The following SATB2 variants were observed in gnomAD, a reference collection of about 807,000 sequenced individuals.
The protein encoded by SATB2 is SATB homeobox 2.
Under a neutral mutation model 73.4 loss-of-function variants are expected in SATB2, and 1 was observed. The ratio of observed to expected loss-of-function variants is 0.01; its 90% confidence interval spans 0.00 to 0.06. SATB2 has a LOEUF of 0.06. Among genes scored for constraint, SATB2 ranks in the 10% least tolerant of loss-of-function variants. The pLI, the probability that SATB2 is intolerant of heterozygous loss-of-function variation, is 1.00. For missense variants in SATB2, 459 were observed against 945.8 expected (o/e 0.49, Z 6.75); for synonymous variants, 397 against 367.0 (o/e 1.08, Z -0.93).
At chr2:199,286,015 A>G (rs1023955212) in intron 10 of SATB2, among the ~76,000 whole-genome samples, 14 of 152,226 alleles carry the variant, frequency 9.2e-5, no homozygotes, top group Admixed American at 6.5e-4. Flanking sequence ...GTGACACAAT[A>G]GGCTGTTAAA....
chr2:199,340,019 CTG>C (rs1368637723), intron 7 of SATB2, among the ~76,000 whole-genome samples: 1 of 152,178 alleles, frequency 6.6e-6, no homozygotes, highest in Non-Finnish European at 1.5e-5. Context: ...ACTATAAACA[CTG>C]TGTCAACAGA....
chr2:199,345,103 C>A (rs1334904094), intron 7 of SATB2, among the ~76,000 whole-genome samples: 1 of 151,984 alleles, frequency 6.6e-6, no homozygotes, highest in Admixed American at 6.6e-5. Context: ...CCTGGCATTT[C>A]TTCTCTCTTT....
intron 3 of SATB2, among the ~76,000 whole-genome samples, chr2:199,425,446 G>T (rs1187197192): frequency 6.6e-6 from 1 of 152,150 alleles, no homozygotes; most frequent in Admixed American, 6.5e-5. Flanking sequence ...GAAATAATAA[G>T]CTACATTTTT....
intron 3 of SATB2, among the ~76,000 whole-genome samples, chr2:199,423,435 A>G (rs1054470622): frequency 1.8e-4 from 27 of 152,088 alleles, no homozygotes; most frequent in African/African-American, 6.3e-4. Flanking sequence ...TAAGAGTGGT[A>G]AAATTCAACC....
chr2:199,462,979 A>G lies in SATB2; in HGVS notation c.-141+1857T>C, dbSNP rs1396706754. On this transcript the variant is annotated intron_variant, in intron 1 of 11. Transcript: ENST00000260926. The surrounding 1 kb of genome is among the most constrained non-coding windows in gnomAD (Gnocchi z 5.9). The stretch of plus-strand genomic sequence containing the variant: ...CTTTCTGCACTGGGCTTCCCGGGGT[A>G]GGAGATGGGCGTCGGGTGTGGGCAC... 6.6e-6 allele frequency among the ~76,000 whole-genome samples: 1 copy of G among 152,178 alleles called. No individual in the cohort carries two copies. Among genetic ancestry groups the G allele is most frequent in the Non-Finnish European group, 1.5e-5 (1 of 68,014 alleles).
chr2:199,416,619 G>A (rs1241530807), intron 3 of SATB2, among the ~76,000 whole-genome samples: 4 of 152,138 alleles, frequency 2.6e-5, no homozygotes, highest in Admixed American at 1.3e-4. Flanking sequence ...TAGAAGACTG[G>A]AGAGGTGAAG....
In SATB2 at chr2:199,308,187, C is replaced by T. The variant is rs1297595990; in HGVS notation, c.1740+573G>A. 2.0e-5 allele frequency among the ~76,000 whole-genome samples: 3 copies of T among 152,108 alleles called. No individual in the cohort carries two copies. The highest frequency in any genetic ancestry group is 4.4e-5 in the Non-Finnish European group (3 of 68,022). Reference sequence around the variant, plus strand: ...GAGCAAAAACTAAGCCAACAAAACACGCAATCCAAAGGAAGGCAGATTTCT... The same window carrying T: ...GAGCAAAAACTAAGCCAACAAAACATGCAATCCAAAGGAAGGCAGATTTCT... On this transcript the variant is annotated intron_variant, in intron 10 of 10. Coordinates refer to ENST00000417098, the MANE Select transcript of SATB2 (RefSeq NM_001172509.2). The surrounding 1 kb of genome is among the most constrained non-coding windows in gnomAD (Gnocchi z 4.6).
Position 199,323,978 on chromosome 2 carries a change from A to G in SATB2, c.1387-20T>C, listed in dbSNP as rs760115609. On this transcript the variant is annotated intron_variant, in intron 8 of 10. Transcript: ENST00000417098. Reference sequence around the variant, plus strand: ...TTTGGCCTACCAAGAGACCATGAAAATAATAATTTAAAAAGTGCTGCATTC... The same window carrying G: ...TTTGGCCTACCAAGAGACCATGAAAGTAATAATTTAAAAAGTGCTGCATTC... 6.2e-7 allele frequency: 1 copy of G among 1,613,204 alleles called. No individual in the cohort carries two copies. The highest frequency in any genetic ancestry group is 1.3e-5 in the African/African-American group (1 of 74,986).
At chr2:199,305,351 G>A (rs571170889) in intron 10 of SATB2, among the ~76,000 whole-genome samples, 2 of 152,024 alleles carry the variant, frequency 1.3e-5, no homozygotes, top group East Asian at 1.9e-4. Context: ...CGATAGGGGG[G>A]TAAAAGGTGG....
chr2:199,380,670 G>T (rs1689743657), intron 4 of SATB2, among the ~76,000 whole-genome samples, 183 bp from the exon 5 acceptor site: 1 of 152,024 alleles, frequency 6.6e-6, no homozygotes, highest in East Asian at 1.9e-4. Flanking sequence ...GGGCCCAAGG[G>T]GTCTCTTTTG....
intron 10 of SATB2, among the ~76,000 whole-genome samples, chr2:199,296,992 C>A (rs1453836759): frequency 6.6e-6 from 1 of 152,148 alleles, no homozygotes; most frequent in Non-Finnish European, 1.5e-5. Context: ...ACTTTTTAAC[C>A]TTAAAGCCAT....
At chr2:199,326,400 G>A (rs1352399448) in intron 8 of SATB2, among the ~76,000 whole-genome samples, 1 of 152,072 alleles carries the variant, frequency 6.6e-6, no homozygotes, top group Admixed American at 6.6e-5. Context: ...GCATCTGTAT[G>A]AATTTTCTAG....
intron 7 of SATB2, among the ~76,000 whole-genome samples, chr2:199,337,922 T>C (rs1688383574): frequency 6.6e-6 from 1 of 152,212 alleles, no homozygotes; most frequent in Admixed American, 6.5e-5. Context: ...ATTGCTTTAA[T>C]TGAGCAATGG....
chr2:199,298,352 C>T (rs1687179511), intron 10 of SATB2, among the ~76,000 whole-genome samples: 1 of 152,212 alleles, frequency 6.6e-6, no homozygotes, highest in South Asian at 2.1e-4. Context: ...GGCCTTTCCT[C>T]TCTATCCAAA....
At chr2:199,317,333 A>C (rs1178781427) in intron 9 of SATB2, among the ~76,000 whole-genome samples, 1 of 152,012 alleles carries the variant, frequency 6.6e-6, no homozygotes, top group Non-Finnish European at 1.5e-5. Flanking sequence ...ACATTCTCCC[A>C]CTGTAAGAAC....
intron 3 of SATB2, among the ~76,000 whole-genome samples, chr2:199,426,163 A>G (rs1691321828): frequency 6.6e-6 from 1 of 152,180 alleles, no homozygotes; most frequent in Admixed American, 6.5e-5. Flanking sequence ...CAAAGAAAAA[A>G]CTGCTGAAAG....
chr2:199,432,769 A>G (rs922477201), intron 3 of SATB2, among the ~76,000 whole-genome samples: 5 of 152,244 alleles, frequency 3.3e-5, no homozygotes, highest in African/African-American at 9.6e-5. Flanking sequence ...GTATTGTACA[A>G]TACGCACTGA....
intron 9 of SATB2, among the ~76,000 whole-genome samples, chr2:199,317,371 T>C (rs961709): frequency 0.93 from 140,769 of 152,044 alleles, 66,192 homozygotes; most frequent in East Asian, 1. Flanking sequence ...TCCTCTTCCC[T>C]AACCAGCTGG....
At chr2:199,370,772 G>A (rs1689421128) in intron 5 of SATB2, among the ~76,000 whole-genome samples, 1 of 151,958 alleles carries the variant, frequency 6.6e-6, no homozygotes, top group African/African-American at 2.4e-5. Flanking sequence ...TGAATATCTG[G>A]GCTCCTACTG....
Sources: allele counts gnomAD v4.1 joint callset (sites outside exome capture counted in the v4.1 genomes callset), GRCh38; gene constraint gnomAD v4.1.1; non-coding constraint Gnocchi (gnomAD v3.1); transcripts MANE v1.5; gene names NCBI Gene and HGNC (gene_info 2026-07-23, HGNC 2026-07-21).